CCSER1: variants seen among roughly 807,000 people sequenced by gnomAD.
The protein encoded by CCSER1 is coiled-coil serine rich protein 1.
A neutral mutation model predicts 82.0 loss-of-function variants in CCSER1; 41 were observed. That is an observed-to-expected ratio of 0.50 (90% CI 0.39 to 0.65). The LOEUF is 0.65. Among genes scored for constraint, CCSER1 ranks in the 30% least tolerant of loss-of-function variants. CCSER1 has a pLI of 0.00. For missense variants in CCSER1, 1,119 were observed against 1,064.2 expected (o/e 1.05, Z -0.72); for synonymous variants, 414 against 383.9 (o/e 1.08, Z -0.92).
chr4:90,851,757 C>G (rs922110015), intron 8 of CCSER1, among the ~76,000 whole-genome samples: 4 of 152,072 alleles, frequency 2.6e-5, no homozygotes, highest in Non-Finnish European at 5.9e-5. Context: ...ACTGTGGACA[C>G]TGTAAATCTT....
At chr4:90,854,747 T>G (rs2149951602) in intron 8 of CCSER1, among the ~76,000 whole-genome samples, 1 of 152,216 alleles carries the variant, frequency 6.6e-6, no homozygotes, top group African/African-American at 2.4e-5. Context: ...ATTTAGAATT[T>G]ATTGATCTTC....
At chr4:90,204,974 C>A (rs1328159849) in intron 1 of CCSER1, among the ~76,000 whole-genome samples, 2 of 152,150 alleles carry the variant, frequency 1.3e-5, no homozygotes, top group Non-Finnish European at 2.9e-5. Flanking sequence ...TGGAAGTTCA[C>A]TCAAGATTTG....
At chr4:90,193,902 T>G (rs926109825) in intron 1 of CCSER1, among the ~76,000 whole-genome samples, 3 of 152,228 alleles carry the variant, frequency 2.0e-5, no homozygotes, top group African/African-American at 7.2e-5. Flanking sequence ...TCGGGGACTT[T>G]GATTTCATTC....
At chr4:90,421,964 C>T (rs1283844929) in intron 4 of CCSER1, among the ~76,000 whole-genome samples, 2 of 151,996 alleles carry the variant, frequency 1.3e-5, no homozygotes, top group Non-Finnish European at 2.9e-5. Flanking sequence ...TGGTTTTGGG[C>T]CTCAGTCTCC....
intron 10 of CCSER1, among the ~76,000 whole-genome samples, chr4:91,577,522 A>G (rs768812694): frequency 2.6e-5 from 4 of 152,052 alleles, no homozygotes; most frequent in Admixed American, 1.3e-4. Flanking sequence ...TATCACCAGG[A>G]GGAAGCAAAT....
At chr4:90,408,131 G>T (rs1013618863) in intron 4 of CCSER1, among the ~76,000 whole-genome samples, 1 of 152,232 alleles carries the variant, frequency 6.6e-6, no homozygotes, top group Non-Finnish European at 1.5e-5. Context: ...AAACAGAGCG[G>T]CTGGGAAGCT....
intron 10 of CCSER1, among the ~76,000 whole-genome samples, chr4:91,297,379 G>GTGTA (rs1553921580): frequency 1.0e-3 from 102 of 98,568 alleles, no homozygotes; most frequent in Admixed American, 8.5e-4. Context: ...GTGTGTGTGT[G>GTGTA]TGTGTATGTG....
At chr4:91,252,788 AAG>A (rs1238326781) in intron 10 of CCSER1, among the ~76,000 whole-genome samples, 5 of 152,180 alleles carry the variant, frequency 3.3e-5, no homozygotes, top group Non-Finnish European at 4.4e-5. Flanking sequence ...GTATACAAAA[AAG>A]GAAATGAGAA....
At chr4:91,195,411 A>T (rs571119169) in intron 10 of CCSER1, among the ~76,000 whole-genome samples, 14 of 152,200 alleles carry the variant, frequency 9.2e-5, no homozygotes, top group Non-Finnish European at 1.8e-4. Flanking sequence ...GGATTAAGAG[A>T]CCTGTTAGGA....
At chr4:91,291,880 C>T (rs1458456113) in intron 10 of CCSER1, among the ~76,000 whole-genome samples, 1 of 152,008 alleles carries the variant, frequency 6.6e-6, no homozygotes, top group African/African-American at 2.4e-5. Flanking sequence ...CCAGTCCATC[C>T]ACATCACAGA....
intron 4 of CCSER1, among the ~76,000 whole-genome samples, chr4:90,430,779 A>G (rs1427194063): frequency 1.3e-5 from 2 of 152,002 alleles, no homozygotes; most frequent in East Asian, 1.9e-4. Context: ...AGTAGAAATA[A>G]CAAAATAGGA....
chr4:90,336,932 C>T (rs75533509), intron 3 of CCSER1, among the ~76,000 whole-genome samples: 1 of 152,046 alleles, frequency 6.6e-6, no homozygotes, highest in Non-Finnish European at 1.5e-5. Context: ...GGCCCTAAGC[C>T]TAAAATCAAA....
intron 10 of CCSER1, among the ~76,000 whole-genome samples, chr4:91,467,356 T>C (rs1756978045): frequency 6.6e-6 from 1 of 152,178 alleles, no homozygotes; most frequent in African/African-American, 2.4e-5. Flanking sequence ...TAATTCAAGA[T>C]GGATTAAAGA....
intron 1 of CCSER1, among the ~76,000 whole-genome samples, chr4:90,137,513 C>T (rs1723904811): frequency 2.0e-5 from 3 of 152,084 alleles, no homozygotes; most frequent in Admixed American, 2.0e-4. Context: ...GGTATTGCCT[C>T]CCAGGATATT....
chr4:91,594,512 A>C (rs1282515508), intron 10 of CCSER1, among the ~76,000 whole-genome samples: 2 of 149,588 alleles, frequency 1.3e-5, no homozygotes, highest in African/African-American at 4.9e-5. Flanking sequence ...ATCTATCTAT[A>C]TCTATCTATC....
At chr4:91,049,242 G>T (rs899612144) in intron 9 of CCSER1, among the ~76,000 whole-genome samples, 1 of 152,160 alleles carries the variant, frequency 6.6e-6, no homozygotes, top group South Asian at 2.1e-4. Flanking sequence ...TTTTTACAAT[G>T]ATAATAAATA....
chr4:91,392,867 A>G (rs892244982), intron 10 of CCSER1, among the ~76,000 whole-genome samples: 7 of 152,094 alleles, frequency 4.6e-5, no homozygotes, highest in Non-Finnish European at 1.0e-4. Flanking sequence ...AGTGATTCTC[A>G]AGAGTGCCTC....
rs1223082476 is a variant in CCSER1, at chr4:90,673,249, CAGAG to C, written c.1932+45019_1932+45022del. 2.0e-5 allele frequency among the ~76,000 whole-genome samples: 3 copies of C among 151,896 alleles called. No homozygotes were observed. In the East Asian group the frequency reaches 5.8e-4, roughly 29 times the overall value. On this transcript the variant is annotated intron_variant, in intron 6 of 10. Coordinates refer to ENST00000509176, the MANE Select transcript of CCSER1 (RefSeq NM_001145065.2). ...TATTCAATATTCAACTATTATGGAA[CAGAG>C]AAAGGCTCAACTATTAGTGCCATTA...
chr4:91,264,171 T>C (rs1416221749), intron 10 of CCSER1, among the ~76,000 whole-genome samples: 4 of 151,858 alleles, frequency 2.6e-5, no homozygotes, highest in South Asian at 4.1e-4. Context: ...ATTGCATGAA[T>C]GACTATCTTC....
Sources: gnomAD v4.1 joint callset for allele counts (sites outside exome capture counted in the v4.1 genomes callset) on GRCh38, gnomAD v4.1.1 for gene constraint, MANE v1.5 for transcripts, NCBI Gene and HGNC (gene_info 2026-07-23, HGNC 2026-07-21) for gene names.